AP3B1: variants seen among roughly 807,000 people sequenced by gnomAD.
AP3B1 encodes adaptor related protein complex 3 subunit beta 1.
Under a neutral mutation model 132.5 loss-of-function variants are expected in AP3B1, and 61 were observed. The observed-to-expected ratio is 0.46, with a 90% CI of 0.37 to 0.57. The LOEUF is 0.57. Among genes scored for constraint, AP3B1 ranks in the 20% least tolerant of loss-of-function variants. The pLI is 0.00. For synonymous variants in AP3B1, 388 were observed against 438.3 expected (o/e 0.89, Z 1.43); for missense variants, 1,120 against 1,289.4 (o/e 0.87, Z 2.01).
chr5:78,260,836 A>G (rs1218484314), intron 2 of AP3B1, among the ~76,000 whole-genome samples: 1 of 150,272 alleles, frequency 6.7e-6, no homozygotes, highest in East Asian at 1.9e-4. Flanking sequence ...TATTCTAGGT[A>G]CCTGATAAAA....
intron 11 of AP3B1, among the ~76,000 whole-genome samples, chr5:78,171,928 A>G (rs767956679): frequency 6.6e-6 from 1 of 152,084 alleles, no homozygotes; most frequent in Admixed American, 6.5e-5. Flanking sequence ...TACCTAGTTT[A>G]TTGCGTGTTT....
At chr5:78,042,695 G>GCAGAT in intron 22 of AP3B1, 1 of 169,364 alleles carries the variant, frequency 5.9e-6, no homozygotes, top group South Asian at 1.6e-4. Flanking sequence ...ATGTTCAGGG[G>GCAGAT]CAGATCCCAA....
rs572077726 is a variant in AP3B1, at chr5:78,185,490, G to A, written c.787-3828C>T. 1.2e-4 allele frequency among the ~76,000 whole-genome samples: 18 copies of A among 152,316 alleles called. No homozygotes were observed. In the South Asian group the frequency reaches 3.7e-3, roughly 32 times the overall value. ...GGTTAAAAAGTTTGCCCCTTGAAGT[G>A]TAACATGAGGACATCAGTAGACTGT... On this transcript the variant is annotated intron_variant, in intron 7 of 26. Coordinates refer to ENST00000255194, the MANE Select transcript of AP3B1 (RefSeq NM_003664.5).
chr5:78,111,185 A>C (rs1043046337), intron 19 of AP3B1, among the ~76,000 whole-genome samples: 2 of 152,176 alleles, frequency 1.3e-5, no homozygotes, highest in African/African-American at 4.8e-5. Context: ...CTATGAGAAA[A>C]TGTTAACCAG....
chr5:78,014,864 T>G (rs1442337635), intron 26 of AP3B1, among the ~76,000 whole-genome samples: 1 of 152,238 alleles, frequency 6.6e-6, no homozygotes, highest in African/African-American at 2.4e-5. Flanking sequence ...ACAAATAACT[T>G]GGATCTCATA....
At chr5:78,227,588 T>C (rs1746450360) in intron 4 of AP3B1, 56 bp from the exon 5 acceptor site, 1 of 1,563,030 alleles carries the variant, frequency 6.4e-7, no homozygotes, top group Non-Finnish European at 8.8e-7. Flanking sequence ...ATTTTAAACA[T>C]ATCTTTCAGA....
In AP3B1 at chr5:78,181,508, G is replaced by A. The variant is rs753218867; in HGVS notation, c.941C>T (p.Ala314Val). ...TTTCTTATAAGGATTTTAACATACC[G>A]CAGCATTCCTGCTCTGAAGCAAAGG... is the stretch of plus-strand genomic sequence containing the variant. ...TKPLLQSRNA[A>V]VVMAVAQLYW... The change falls in exon 8 of 27, where the codon GCG (alanine) becomes GTG (valine). Residue 314 changes from alanine (A) to valine (V), a missense_variant and splice_region_variant. Physicochemically the swap from Ala to Val is moderately conservative, Grantham distance 64. This residue lies in a region of AP3B1 where 906 missense variants were observed against 997.1 expected (regional missense o/e 0.91). Coordinates refer to ENST00000255194, the MANE Select transcript of AP3B1 (RefSeq NM_003664.5). 5 of 1,611,840 alleles carry A rather than the reference G, an allele frequency of 3.1e-6. No homozygotes were observed. Among genetic ancestry groups the A allele is most frequent in the East Asian group, 2.2e-5 (1 of 44,766 alleles).
intron 15 of AP3B1, among the ~76,000 whole-genome samples, chr5:78,134,083 G>A (rs562501387): frequency 6.0e-4 from 89 of 149,152 alleles, no homozygotes; most frequent in Admixed American, 2.2e-3. Context: ...CCTGGGAGGC[G>A]GAGCTTGCAG....
At chr5:78,018,966 C>G (rs1170936867) in intron 25 of AP3B1, among the ~76,000 whole-genome samples, 1 of 152,084 alleles carries the variant, frequency 6.6e-6, no homozygotes, top group Non-Finnish European at 1.5e-5. Flanking sequence ...AATTTGCCAG[C>G]ATCAAGTTCC....
At chr5:78,025,416 A>G (rs1462374623) in intron 24 of AP3B1, among the ~76,000 whole-genome samples, 1 of 152,108 alleles carries the variant, frequency 6.6e-6, no homozygotes, top group Non-Finnish European at 1.5e-5. Flanking sequence ...CCCTCCTCGC[A>G]ACAAGCAAGG....
intron 2 of AP3B1, among the ~76,000 whole-genome samples, chr5:78,242,805 T>C (rs1436812577): frequency 6.6e-6 from 1 of 152,224 alleles, no homozygotes; most frequent in Non-Finnish European, 1.5e-5. Flanking sequence ...TGTATTCCCA[T>C]TTTGTCTTTC....
intron 22 of AP3B1, among the ~76,000 whole-genome samples, chr5:78,079,021 A>G (rs1454552466): frequency 6.6e-6 from 1 of 152,236 alleles, no homozygotes; most frequent in African/African-American, 2.4e-5. Context: ...TATATTCATG[A>G]ATACATTGCA....
intron 6 of AP3B1, among the ~76,000 whole-genome samples, chr5:78,223,743 T>C (rs999831291): frequency 2.0e-5 from 3 of 152,178 alleles, no homozygotes; most frequent in Non-Finnish European, 4.4e-5. Flanking sequence ...ATAAATTAGA[T>C]ATTATAAACC....
intron 7 of AP3B1, among the ~76,000 whole-genome samples, chr5:78,194,782 T>C (rs927042133): frequency 6.6e-6 from 1 of 152,210 alleles, no homozygotes; most frequent in Non-Finnish European, 1.5e-5. Context: ...GACAGCATTG[T>C]ATCCATATTC....
chr5:78,279,280 A>AAT (rs2112580724), intron 1 of AP3B1, among the ~76,000 whole-genome samples: 1 of 152,300 alleles, frequency 6.6e-6, no homozygotes, highest in South Asian at 2.1e-4. Flanking sequence ...TTTATAACAT[A>AAT]TTATTAACTT....
intron 26 of AP3B1, among the ~76,000 whole-genome samples, chr5:78,004,906 G>A (rs1746328393): frequency 6.6e-6 from 1 of 152,166 alleles, no homozygotes; most frequent in African/African-American, 2.4e-5. Flanking sequence ...ACGTACACAT[G>A]AGAGATTATG....
intron 24 of AP3B1, among the ~76,000 whole-genome samples, chr5:78,023,439 C>CAAGAAAAGAAAAGAAAAGAAAAGAA (rs58834256): frequency 1.4e-4 from 21 of 148,634 alleles, no homozygotes; most frequent in African/African-American, 5.0e-4. Context: ...GAGACCCCAT[C>CAAGAAAAGAAAAGAAAAGAAAAGAA]AAGAAAAGAA....
At chr5:78,225,904 A>C (rs981815117) in intron 5 of AP3B1, among the ~76,000 whole-genome samples, 2 of 152,084 alleles carry the variant, frequency 1.3e-5, no homozygotes, top group Non-Finnish European at 2.9e-5. Flanking sequence ...AGCGACTGTA[A>C]GTAGATAAAC....
rs1170304551 is a variant in AP3B1 at position 78,141,229 on chromosome 5, C to A, written c.1564G>T (p.Ala522Ser). The stretch of plus-strand genomic sequence containing the variant: ...TCATCTTCACTAGTGAAGCTTTTAG[C>A]CATCTTCCTCAAAACATCAGGGGCA... ...KIAPDVLRKM[A>S]KSFTSEDDLV... The change falls in exon 15 of 27, where the codon GCT (alanine) becomes TCT (serine). Residue 522 changes from alanine to serine, a missense_variant. By Grantham distance (99) the Ala-to-Ser change is moderately conservative. This residue lies in a region of AP3B1 where 906 missense variants were observed against 997.1 expected (regional missense o/e 0.91). Transcript: ENST00000255194. 2.5e-6 allele frequency: 4 copies of A among 1,613,708 alleles called. No individual in the cohort carries two copies. Among genetic ancestry groups the A allele is most frequent in the Non-Finnish European group, 3.4e-6 (4 of 1,179,690 alleles).
Sources: allele counts gnomAD v4.1 joint callset (sites outside exome capture counted in the v4.1 genomes callset), GRCh38; gene constraint gnomAD v4.1.1; regional missense constraint gnomAD v4.1.1; transcripts MANE v1.5; gene names NCBI Gene and HGNC (gene_info 2026-07-23, HGNC 2026-07-21).